The following PPP1R13B variants were observed in gnomAD, a reference collection of about 807,000 sequenced individuals.
PPP1R13B encodes apoptosis-stimulating of p53 protein 1.
A neutral mutation model predicts 119.8 loss-of-function variants in PPP1R13B; 44 were observed. The ratio of observed to expected loss-of-function variants is 0.37; its 90% CI spans 0.29 to 0.47. The LOEUF is 0.47. Among genes scored for constraint, PPP1R13B ranks in the 20% least tolerant of loss-of-function variants. The probability of loss-of-function intolerance (pLI) is 0.99; values close to 1 mark genes in which losing one functional copy is unlikely to be tolerated. For synonymous variants in PPP1R13B, 542 were observed against 561.5 expected (o/e 0.97, Z 0.49); for missense variants, 1,227 against 1,413.5 (o/e 0.87, Z 2.12).
intron 1 of PPP1R13B, among the ~76,000 whole-genome samples, chr14:103,842,406 G>A (rs190587624): frequency 3.1e-4 from 47 of 150,408 alleles, no homozygotes; most frequent in Non-Finnish European, 6.0e-4. Context: ...AGGTTCAAGC[G>A]TTTCTTCTGC....
chr14:103,800,572 T>C (rs1470543903), intron 1 of PPP1R13B, among the ~76,000 whole-genome samples: 1 of 151,328 alleles, frequency 6.6e-6, no homozygotes. Flanking sequence ...GAGAATCACT[T>C]GAACCCCGGG....
At chr14:103,841,431 T>TA (rs2086906123) in intron 1 of PPP1R13B, among the ~76,000 whole-genome samples, 1 of 147,370 alleles carries the variant, frequency 6.8e-6, no homozygotes, top group Non-Finnish European at 1.5e-5. Context: ...CTACTAAAAA[T>TA]ACAAAAAAAT....
chr14:103,813,522 T>C (rs1595811304), intron 1 of PPP1R13B, among the ~76,000 whole-genome samples: 1 of 152,318 alleles, frequency 6.6e-6, no homozygotes, highest in Admixed American at 6.5e-5. Context: ...CTGATGGTTT[T>C]ATAAGCATCT....
chr14:103,766,932 A>G (rs2084952846), intron 4 of PPP1R13B, among the ~76,000 whole-genome samples: 1 of 152,232 alleles, frequency 6.6e-6, no homozygotes, highest in African/African-American at 2.4e-5. Flanking sequence ...CTTGAAAAAC[A>G]TAAAAGTTAC....
At chr14:103,778,263 C>CTTTTTTT (rs34674155) in intron 4 of PPP1R13B, among the ~76,000 whole-genome samples, 5 of 99,500 alleles carry the variant, frequency 5.0e-5, no homozygotes, top group African/African-American at 2.1e-4. Context: ...CCACATCTGA[C>CTTTTTTT]TTTTTTTTTT....
At chr14:103,786,344 T>C (rs1379112017) in intron 2 of PPP1R13B, among the ~76,000 whole-genome samples, 2 of 152,178 alleles carry the variant, frequency 1.3e-5, no homozygotes, top group Non-Finnish European at 2.9e-5. Flanking sequence ...ACCTGGCCAG[T>C]ATCTAACCAA....
intron 8 of PPP1R13B, chr14:103,746,754 AAC>A: frequency 1.0e-5 from 5 of 478,404 alleles, no homozygotes; most frequent in Non-Finnish European, 1.9e-5. Context: ...ATTCTCCGAC[AAC>A]ACCCACCCAT....
intron 1 of PPP1R13B, among the ~76,000 whole-genome samples, chr14:103,810,860 C>T (rs938937271): frequency 3.3e-5 from 5 of 150,486 alleles, no homozygotes; most frequent in African/African-American, 7.3e-5. Flanking sequence ...AAGCTGAGCC[C>T]GGTGGATCAC....
chr14:103,756,341 C>T (rs7149024), intron 5 of PPP1R13B, among the ~76,000 whole-genome samples: 61,534 of 151,896 alleles, frequency 0.41, 12,613 homozygotes, highest in African/African-American at 0.43. Flanking sequence ...CCACCTGCCT[C>T]GGCCTCCCAA....
intron 4 of PPP1R13B, among the ~76,000 whole-genome samples, chr14:103,770,776 A>G (rs2085049353): frequency 6.6e-6 from 1 of 152,152 alleles, no homozygotes; most frequent in Non-Finnish European, 1.5e-5. Flanking sequence ...ATAAAACACA[A>G]AACATGTTTT....
chr14:103,780,799 ACT>A (rs1159394091), intron 3 of PPP1R13B, among the ~76,000 whole-genome samples: 1 of 150,066 alleles, frequency 6.7e-6, no homozygotes, highest in Non-Finnish European at 1.5e-5. Context: ...ACAGAGTGAG[ACT>A]CTGTCTCTAA....
intron 2 of PPP1R13B, among the ~76,000 whole-genome samples, chr14:103,797,093 G>A (rs1024496771): frequency 7.1e-6 from 1 of 140,556 alleles, no homozygotes; most frequent in Non-Finnish European, 1.5e-5. Flanking sequence ...GTGAGATACT[G>A]TCTCAAAAAA....
At position 103,847,408 on chromosome 14, in the gene PPP1R13B, C is replaced by T. The variant is rs2087077461; in HGVS notation, c.-101G>A. ...CCGCCTCCTAAGGCCGCGCTCCCGC[C>T]GCCGTGCTCTCCGGCCCGGCCGCGG... On this transcript the variant is annotated 5_prime_UTR_variant, in exon 1 of 17. Coordinates refer to ENST00000202556, the MANE Select transcript of PPP1R13B (RefSeq NM_015316.3). 4 of 1,038,584 alleles carry T rather than the reference C, an allele frequency of 3.9e-6. No homozygotes were observed. The highest frequency in any genetic ancestry group is 1.2e-4 in the Admixed American group (2 of 17,246). The allele number at this position is 1,038,584 out of a possible 1,614,324, so 64.3% of individuals were successfully genotyped here. A position where few individuals can be genotyped will look rare whatever the true frequency, so the allele number is the denominator to read the frequency against.
At chr14:103,838,971 T>G (rs1186929729) in intron 1 of PPP1R13B, among the ~76,000 whole-genome samples, 2 of 152,198 alleles carry the variant, frequency 1.3e-5, no homozygotes, top group African/African-American at 4.8e-5. Flanking sequence ...TACGATGCAA[T>G]AAACACAGAC....
At chr14:103,823,618 C>T (rs1330364132) in intron 1 of PPP1R13B, among the ~76,000 whole-genome samples, 1 of 152,128 alleles carries the variant, frequency 6.6e-6, no homozygotes, top group Non-Finnish European at 1.5e-5. Flanking sequence ...ACCCCAGAAC[C>T]AAATTTCAAC....
Position 103,734,714 on chromosome 14 carries a change from TGA to T in PPP1R13B, c.*438_*439del. 1 of 458,518 alleles carries T rather than the reference TGA, an allele frequency of 2.2e-6. No individual in the cohort carries two copies. The highest frequency in any genetic ancestry group is 4.4e-6 in the Non-Finnish European group (1 of 228,242). The allele number at this position is 458,518 out of a possible 1,614,324, so 28.4% of individuals were successfully genotyped here. ...CATGTGTGGGAAGTGTGAGAAAGGA[TGA>T]GTGTCCGATTCGGTGACGGGGGGCA... On this transcript the variant is annotated 3_prime_UTR_variant, in exon 17 of 17. Transcript: ENST00000202556.
At position 103,736,098 on chromosome 14, in the gene PPP1R13B, G is replaced by A. The variant is rs1238809065; in HGVS notation, c.3136C>T (p.Leu1046Phe). ...DELSFHEGDA[L>F]TILRRKDESE... Reference sequence around the variant, plus strand: ...TCGTCCTTGCGCCTCAGGATGGTGAGGGCGTCCCCTTCGTGGAAGGACAGC... The same window carrying A: ...TCGTCCTTGCGCCTCAGGATGGTGAAGGCGTCCCCTTCGTGGAAGGACAGC... Residue 1046 changes from leucine (L) to phenylalanine (F), a missense_variant, in exon 16 of 17, where the codon CTC becomes TTC. Coordinates refer to ENST00000202556, the MANE Select transcript of PPP1R13B (RefSeq NM_015316.3). 2 of 1,614,226 alleles carry A rather than the reference G, an allele frequency of 1.2e-6. No homozygotes were observed. The highest frequency in any genetic ancestry group is 1.7e-5 in the Admixed American group (1 of 60,034).
At chr14:103,767,525 C>T (rs2084965035) in intron 4 of PPP1R13B, among the ~76,000 whole-genome samples, 1 of 152,128 alleles carries the variant, frequency 6.6e-6, no homozygotes, top group South Asian at 2.1e-4. Context: ...TCCCGTCCTG[C>T]TCTTTATCTC....
Position 103,742,463 on chromosome 14 carries a change from G to T in PPP1R13B, c.1321-172C>A, listed in dbSNP as rs74085290. Among the ~76,000 whole-genome samples, 1 of 152,178 alleles carries T rather than the reference G, an allele frequency of 6.6e-6. No homozygotes were observed. The highest frequency in any genetic ancestry group is 1.9e-4 in the East Asian group (1 of 5,200). On this transcript the variant is annotated intron_variant, in intron 10 of 16. Coordinates refer to ENST00000202556, the MANE Select transcript of PPP1R13B (RefSeq NM_015316.3). The surrounding 1 kb of genome is among the most constrained non-coding windows in gnomAD (Gnocchi z 4.9). ...TTGCCTGTCTGCAAAAGTTCTGACC[G>T]AAAGGTGTGTGTACTCGTGGGCTGC...
Sources: allele counts gnomAD v4.1 joint callset (sites outside exome capture counted in the v4.1 genomes callset), GRCh38; gene constraint gnomAD v4.1.1; non-coding constraint Gnocchi (gnomAD v3.1); transcripts MANE v1.5; gene names NCBI Gene and HGNC (gene_info 2026-07-23, HGNC 2026-07-21).